Variants in PNKP observed in about 807,000 individuals in gnomAD.
The protein encoded by PNKP is polynucleotide kinase 3'-phosphatase.
Under a neutral mutation model 66.2 loss-of-function variants are expected in PNKP, and 82 were observed. The observed-to-expected ratio is 1.24, with a 90% CI of 1.04 to 1.49. The LOEUF (loss-of-function observed/expected upper bound fraction) is 1.49, where lower values mean the gene tolerates loss of function less well. Among genes scored for constraint, PNKP ranks in the 40% most tolerant of loss-of-function variants. PNKP has a pLI of 0.00. For synonymous variants in PNKP, 412 were observed against 298.9 expected, an observed-to-expected ratio of 1.38 and a Z score of -3.90; for missense variants, 907 against 706.8, an observed-to-expected ratio of 1.28 and a Z score of -3.21.
At chr19:49,865,555 T>C (rs975604281) in intron 3 of PNKP, 129 bp from the exon 4 acceptor site, 2 of 642,124 alleles carry the variant, frequency 3.1e-6, no homozygotes, top group Non-Finnish European at 5.6e-6. Flanking sequence ...CTCTTCACTT[T>C]GGAACGGGCT....
Position 49,861,518 on chromosome 19 carries a change from G to A in PNKP, c.1387-8C>T, listed in dbSNP as rs541604147. ...GTCCGTCATCTCTCGAAACTGTGGG[G>A]AACATCAGAGGGGCGGCAGGCCCAG... On this transcript the variant is annotated splice_polypyrimidine_tract_variant and splice_region_variant and intron_variant, in intron 15 of 16. Transcript: ENST00000322344. The A allele has an allele frequency of 1.0e-5, 15 of 1,439,684 alleles. No individual in the cohort carries two copies. The highest frequency in any genetic ancestry group is 1.4e-5 in the Non-Finnish European group (15 of 1,068,640). The allele number at this position is 1,439,684 out of a possible 1,614,324, so 89.2% of individuals were successfully genotyped here. A position where few individuals can be genotyped will look rare whatever the true frequency, so the allele number is the denominator to read the frequency against.
Position 49,864,245 on chromosome 19 carries a change from G to A in PNKP, c.579-9C>T, listed in dbSNP as rs955732346. The stretch of plus-strand genomic sequence containing the variant: ...TCTCTGGGTACAAGATCCTACGGCA[G>A]GTATGAAGCGGCAGGGGTGACCCGG... On this transcript the variant is annotated splice_polypyrimidine_tract_variant and intron_variant, in intron 5 of 16. Transcript: ENST00000322344. The A allele has an allele frequency of 5.0e-6, 8 of 1,614,000 alleles. No homozygotes were observed. Among genetic ancestry groups the A allele is most frequent in the African/African-American group, 2.7e-5 (2 of 74,920 alleles).
chr19:49,861,580 G>T, intron 15 of PNKP, 28 bp downstream of exon 15: 1 of 1,558,454 alleles, frequency 6.4e-7, no homozygotes, highest in Non-Finnish European at 8.7e-7. Flanking sequence ...GGTGCAGCCC[G>T]GGGGGTGTCC....
At chr19:49,862,662 C>G in intron 9 of PNKP, 28 bp downstream of exon 9, 1 of 1,614,022 alleles carries the variant, frequency 6.2e-7, no homozygotes, top group Non-Finnish European at 8.5e-7. Context: ...GCGTCCCAGC[C>G]CACCCTCAGC....
At chr19:49,863,614 C>A in intron 8 of PNKP, 75 bp downstream of exon 8, 2 of 1,140,982 alleles carry the variant, frequency 1.8e-6, no homozygotes, top group African/African-American at 1.5e-5. Flanking sequence ...AGGCCCCAAC[C>A]GGAGGCCGGG....
intron 14 of PNKP, 35 bp downstream of exon 14, chr19:49,861,737 G>T: frequency 1.9e-6 from 3 of 1,552,836 alleles, no homozygotes; most frequent in Non-Finnish European, 2.6e-6. Context: ...CGCCCACCCC[G>T]CCGCAGGCCA....
rs1246883829 is a variant in PNKP at position 49,865,257 on chromosome 19, G to A, written c.368C>T (p.Pro123Leu). 1 of 1,614,228 alleles carries A rather than the reference G, an allele frequency of 6.2e-7. No homozygotes were observed. The highest frequency in any genetic ancestry group is 1.1e-5 in the South Asian group (1 of 91,092). ...TCTCTTCTCATCTTGGGACACCAGAGGGGTGCCAGGCGGAGTATCTGGCTG... is the reference window on the plus strand; with the variant it reads ...TCTCTTCTCATCTTGGGACACCAGAAGGGTGCCAGGCGGAGTATCTGGCTG... The part of the protein sequence containing the change: ...ESQPDTPPGT[P>L]LVSQDEKRDA... The change falls in exon 4 of 17, where the codon CCT becomes CTT. Residue 123 changes from proline (P) to leucine (L), a missense_variant. Coordinates refer to ENST00000322344, the MANE Select transcript of PNKP (RefSeq NM_007254.4).
chr19:49,865,599 ATCTT>A (rs1277696717), intron 3 of PNKP, 173 bp from the exon 4 acceptor site: 1 of 508,338 alleles, frequency 2.0e-6, no homozygotes, highest in Non-Finnish European at 3.4e-6. Context: ...CCTTGTCCGA[ATCTT>A]TTTTTTTTTT....
At chr19:49,866,839 A>G in intron 2 of PNKP, 1 of 620,638 alleles carries the variant, frequency 1.6e-6, no homozygotes, top group Admixed American at 2.7e-5. Flanking sequence ...CGCGCAGTGA[A>G]CATCCTCCCT....
At position 49,862,180 on chromosome 19, in the gene PNKP, C is replaced by T. The variant is rs1385764453; in HGVS notation, c.1126+5G>A. On this transcript the variant is annotated splice_donor_5th_base_variant and intron_variant, in intron 12 of 16. Transcript: ENST00000322344. ...AGGGCACGCGCACAGGAACAGGACA[C>T]TTACCCCCAGGGAATCCCACTGCGA... The T allele has an allele frequency of 3.7e-6, 6 of 1,613,780 alleles. No individual in the cohort carries two copies. The highest frequency in any genetic ancestry group is 5.1e-6 in the Non-Finnish European group (6 of 1,179,834).
At position 49,862,390 on chromosome 19, in the gene PNKP, TCG is replaced by T. The variant is rs770594676; in HGVS notation, c.1008_1009del (p.Phe336LeufsTer6). 1 of 1,542,638 alleles carries T rather than the reference TCG, an allele frequency of 6.5e-7. No individual in the cohort carries two copies. Among genetic ancestry groups the T allele is most frequent in the South Asian group, 1.2e-5 (1 of 83,964 alleles). ...CCTCACCGGATCAAAGGCTGGGAGC[TCG>T]AAGCCGGCTGCTGGCCACTTGAGAA... is the stretch of plus-strand genomic sequence containing the variant. On this transcript the variant is annotated frameshift_variant, in exon 11 of 17. Coordinates refer to ENST00000322344, the MANE Select transcript of PNKP (RefSeq NM_007254.4). LOFTEE classifies it high-confidence loss of function.
chr19:49,865,295 G>A lies in PNKP; in HGVS notation c.330C>T (p.Arg110=). 1 of 1,614,224 alleles carries A rather than the reference G, an allele frequency of 6.2e-7. No homozygotes were observed. The highest frequency in any genetic ancestry group is 1.1e-5 in the South Asian group (1 of 91,090). ...GAGTATCTGGCTGGGATTCTGGTGT[G>A]CGGGTCTCTTCCCAGCGCAGGGTCA... is the stretch of plus-strand genomic sequence containing the variant. The part of the protein sequence containing the change: ...HPLTLRWEET[R]TPESQPDTPP... The change falls in exon 4 of 17, where the codon CGC becomes CGT. Residue 110 remains arginine (R), a synonymous_variant. Transcript: ENST00000322344.
At position 49,861,709 on chromosome 19, in the gene PNKP, A is replaced by C. The variant is rs2074765147; in HGVS notation, c.1299-14T>G. On this transcript the variant is annotated splice_polypyrimidine_tract_variant and intron_variant, in intron 14 of 16. Coordinates refer to ENST00000322344, the MANE Select transcript of PNKP (RefSeq NM_007254.4). ...CACTGGACGTACCTGTGGGGGAAGG[A>C]GCTGGATGTGCAGGCCCCGCCCACC... The C allele has an allele frequency of 6.5e-7, 1 of 1,548,344 alleles. No individual in the cohort carries two copies. The highest frequency in any genetic ancestry group is 1.4e-5 in the African/African-American group (1 of 72,938).
chr19:49,862,242 A>C lies in PNKP; in HGVS notation c.1069T>G (p.Ser357Ala). Residue 357 changes from serine (S) to alanine (A), a missense_variant, in exon 12 of 17, where the codon TCC (serine) becomes GCC (alanine). Ser to Ala is a moderately conservative substitution (Grantham distance 99). Coordinates refer to ENST00000322344, the MANE Select transcript of PNKP (RefSeq NM_007254.4). Reference protein sequence around the residue: ...SRSGPLCLPESRALLSASPEV... With the variant: ...SRSGPLCLPEARALLSASPEV... ...GGGCTGGCGCTCAGGAGGGCCCTGG[A>C]CTCGGGGAGGCAGAGAGGCCCTGAG... is the stretch of plus-strand genomic sequence containing the variant. 6.2e-7 allele frequency: 1 copy of C among 1,610,736 alleles called. No homozygotes were observed. Among genetic ancestry groups the C allele is most frequent in the South Asian group, 1.1e-5 (1 of 90,510 alleles).
At chr19:49,863,027 G>A (rs781263420) in intron 8 of PNKP, among the ~76,000 whole-genome samples, 1 of 152,126 alleles carries the variant, frequency 6.6e-6, no homozygotes, top group Non-Finnish European at 1.5e-5. Flanking sequence ...CGGCGTGCCG[G>A]CGCCTCCCAG....
rs2074784617 is a variant in PNKP at position 49,862,556 on chromosome 19, GAA to G, written c.916_917del (p.Phe306LeufsTer19). 1.2e-6 allele frequency: 2 copies of G among 1,612,252 alleles called. No homozygotes were observed. Among genetic ancestry groups the G allele is most frequent in the Non-Finnish European group, 1.7e-6 (2 of 1,179,158 alleles). On this transcript the variant is annotated frameshift_variant, in exon 10 of 17. Coordinates refer to ENST00000322344, the MANE Select transcript of PNKP (RefSeq NM_007254.4). LOFTEE classifies it high-confidence loss of function. ...GCCTCACCAGGCGATCGGCGCAGGA[GAA>G]GTCTTTCTTCTTCCGCCCCGGGGCC... Reference protein sequence around the residue: ...NWAPGRKKKDFSCADRLFALN... With the variant: ...NWAPGRKKKDXSCADRLFALN...
Position 49,864,354 on chromosome 19 carries a change from T to G in PNKP, c.548A>C (p.Lys183Thr). Residue 183 changes from lysine (K) to threonine (T), a missense_variant, in exon 5 of 17, where the codon AAG becomes ACG. Lys to Thr is a moderately conservative substitution (Grantham distance 78). Coordinates refer to ENST00000322344, the MANE Select transcript of PNKP (RefSeq NM_007254.4). ...DGTLITTRSG[K>T]VFPTGPSDWR... Reference sequence around the variant, plus strand: ...GTCACTGGGGCCAGTGGGAAAGACCTTCCCAGAGCGTGTGGTGATGAGCGT... The same window carrying G: ...GTCACTGGGGCCAGTGGGAAAGACCGTCCCAGAGCGTGTGGTGATGAGCGT... 1 of 1,614,062 alleles carries G rather than the reference T, an allele frequency of 6.2e-7. No individual in the cohort carries two copies. Among genetic ancestry groups the G allele is most frequent in the Non-Finnish European group, 8.5e-7 (1 of 1,179,928 alleles).
chr19:49,865,405 T>C lies in PNKP; in HGVS notation c.220A>G (p.Thr74Ala). Residue 74 changes from threonine (T) to alanine (A), a missense_variant, in exon 4 of 17, where the codon ACC (threonine) becomes GCC (alanine). Coordinates refer to ENST00000322344, the MANE Select transcript of PNKP (RefSeq NM_007254.4). The part of the protein sequence containing the change: ...VKQLGVNPST[T>A]GTQELKPGLE... ...CCCGGCTTCAACTCCTGGGTCCCGG[T>C]AGTTGAGGGGTTAACTCCCAGCTGC... 2 of 1,609,714 alleles carry C rather than the reference T, an allele frequency of 1.2e-6. No homozygotes were observed. The highest frequency in any genetic ancestry group is 1.7e-6 in the Non-Finnish European group (2 of 1,177,966).
chr19:49,862,213 C>T lies in PNKP; in HGVS notation c.1098G>A (p.Glu366=), dbSNP rs755340060. The T allele has an allele frequency of 1.2e-4, 188 of 1,613,318 alleles. No individual in the cohort carries two copies. The highest frequency in any genetic ancestry group is 1.5e-4 in the Non-Finnish European group (181 of 1,179,710). Residue 366 remains glutamate (E), a synonymous_variant, in exon 12 of 17, where the codon GAG becomes GAA. Coordinates refer to ENST00000322344, the MANE Select transcript of PNKP (RefSeq NM_007254.4). ...ESRALLSASP[E]VVVAVGFPGA... ...CAGGGAATCCCACTGCGACAACCACCTCCGGGCTGGCGCTCAGGAGGGCCC... is the reference window on the plus strand; with the variant it reads ...CAGGGAATCCCACTGCGACAACCACTTCCGGGCTGGCGCTCAGGAGGGCCC...
Sources: allele counts gnomAD v4.1 joint callset (sites outside exome capture counted in the v4.1 genomes callset), GRCh38; gene constraint gnomAD v4.1.1; transcripts MANE v1.5; gene names NCBI Gene and HGNC (gene_info 2026-07-23, HGNC 2026-07-21).